ALDH3A2: variants seen among roughly 807,000 people sequenced by gnomAD.
ALDH3A2 encodes aldehyde dehydrogenase 3 family member A2.
A neutral mutation model predicts 51.3 loss-of-function variants in ALDH3A2; 36 were observed. The ratio of observed to expected loss-of-function variants is 0.70; its 90% CI spans 0.54 to 0.93. The LOEUF is 0.93. Ranked by LOEUF, ALDH3A2 falls within the 40% of genes least tolerant of loss-of-function variation. The probability of loss-of-function intolerance (pLI) is 0.00; values close to 1 mark genes in which losing one functional copy is unlikely to be tolerated. For synonymous variants in ALDH3A2, 199 were observed against 219.8 expected (o/e 0.91, Z 0.84); for missense variants, 552 against 603.1 (o/e 0.92, Z 0.89).
At position 19,651,563 on chromosome 17, in the gene ALDH3A2, A is replaced by G. The variant is rs774130470; in HGVS notation, c.170A>G (p.Tyr57Cys). 6.2e-7 allele frequency: 1 copy of G among 1,613,482 alleles called. No individual in the cohort carries two copies. The highest frequency in any genetic ancestry group is 8.5e-7 in the Non-Finnish European group (1 of 1,179,378). Residue 57 changes from tyrosine to cysteine, a missense_variant, in exon 2 of 10, where the codon TAC becomes TGC. Transcript: ENST00000176643. The part of the protein sequence containing the change: ...ADLCKSEFNV[Y>C]SQEVITVLGE... ...TTATAACAGAGTGAATTCAATGTGT[A>G]CAGTCAGGAAGTCATTACTGTCCTT...
chr17:19,649,314 A>G (rs2084782346), intron 1 of ALDH3A2, 190 bp downstream of exon 1: 3 of 679,012 alleles, frequency 4.4e-6, no homozygotes, highest in South Asian at 4.1e-5. Flanking sequence ...TCAGAAGGGC[A>G]TATGTTACCT....
rs528013375 is a variant in ALDH3A2, at chr17:19,651,360, T to TTAA, written c.154-187_154-186insTAA. Among the ~76,000 whole-genome samples the TTAA allele has an allele frequency of 9.8e-5, 15 of 152,286 alleles. No individual in the cohort carries two copies. In the East Asian group the frequency reaches 2.9e-3, roughly 29 times the overall value. ...TAATCTTTGATTTTTTTAAAAGAAATATATTAGAGAATTAGCAAGCCCTTA... is the reference window on the plus strand; with the variant it reads ...TAATCTTTGATTTTTTTAAAAGAAATTAAATATTAGAGAATTAGCAAGCCCTTA... On this transcript the variant is annotated intron_variant, in intron 1 of 9. Coordinates refer to ENST00000176643, the MANE Select transcript of ALDH3A2 (RefSeq NM_000382.3).
intron 6 of ALDH3A2, chr17:19,661,525 A>T: frequency 2.2e-6 from 1 of 450,092 alleles, no homozygotes; most frequent in Non-Finnish European, 4.0e-6. Context: ...CCTCCTAACA[A>T]TCCTGAGAAG....
Position 19,648,866 on chromosome 17 carries a change from C to A in ALDH3A2, c.-106C>A, listed in dbSNP as rs2084771929. ...GCTGTGGGTTGACGGTGGAGACACC[C>A]CCCGGAGGGAGGCGGAGGGAAGGGA... On this transcript the variant is annotated 5_prime_UTR_variant, in exon 1 of 10. Coordinates refer to ENST00000176643, the MANE Select transcript of ALDH3A2 (RefSeq NM_000382.3). 1.0e-5 allele frequency: 15 copies of A among 1,438,270 alleles called. No homozygotes were observed. Among genetic ancestry groups the A allele is most frequent in the Non-Finnish European group, 1.3e-5 (14 of 1,062,348 alleles). The allele number at this position is 1,438,270 out of a possible 1,614,324, so 89.1% of individuals were successfully genotyped here.
chr17:19,648,957 C>T lies in ALDH3A2; in HGVS notation c.-15C>T, dbSNP rs771908847. 1.2e-5 allele frequency: 19 copies of T among 1,578,428 alleles called. No homozygotes were observed. The highest frequency in any genetic ancestry group is 3.7e-5 in the Admixed American group (2 of 54,514). ...CAGCGCCCCCGGACCGTGCAGTTCTCTGCAGGACCAGGCCATGGAGCTCGA... is the reference window on the plus strand; with the variant it reads ...CAGCGCCCCCGGACCGTGCAGTTCTTTGCAGGACCAGGCCATGGAGCTCGA... On this transcript the variant is annotated 5_prime_UTR_variant, in exon 1 of 10. Transcript: ENST00000176643.
In ALDH3A2 at chr17:19,671,856, T is replaced by C; in HGVS notation, c.1343T>C (p.Val448Ala). The change falls in exon 9 of 10, where the codon GTG becomes GCG. Residue 448 changes from valine to alanine, a missense_variant. Val to Ala is a moderately conservative substitution (Grantham distance 64). Coordinates refer to ENST00000176643, the MANE Select transcript of ALDH3A2 (RefSeq NM_000382.3). ...TATCCTCCCAACAGCCAGTCAAAGGTGGATTGGGGAAAATTTTTTCTCTTG... is the reference window on the plus strand; with the variant it reads ...TATCCTCCCAACAGCCAGTCAAAGGCGGATTGGGGAAAATTTTTTCTCTTG... ...LRYPPNSQSKVDWGKFFLLKR... is the reference protein window; with the variant it reads ...LRYPPNSQSKADWGKFFLLKR... 6.2e-7 allele frequency: 1 copy of C among 1,613,944 alleles called. No individual in the cohort carries two copies. Among genetic ancestry groups the C allele is most frequent in the South Asian group, 1.1e-5 (1 of 91,060 alleles).
chr17:19,648,527 C>T (rs2084764915), upstream of ALDH3A2: 1 of 160,430 alleles, frequency 6.2e-6, no homozygotes, highest in Admixed American at 6.4e-5. Flanking sequence ...GGGGCCGCCC[C>T]GGGGCGCTCT....
At chr17:19,660,774 A>G (rs934612531) in intron 5 of ALDH3A2, among the ~76,000 whole-genome samples, 13 of 152,216 alleles carry the variant, frequency 8.5e-5, no homozygotes, top group African/African-American at 3.1e-4. Context: ...CCAATGTGCT[A>G]ACAAATAGGC....
chr17:19,668,746 G>A (rs142278193), intron 8 of ALDH3A2, among the ~76,000 whole-genome samples: 1,410 of 130,914 alleles, frequency 0.011, 308 homozygotes, highest in Admixed American at 0.02. Context: ...CAAAAAATTA[G>A]CTGGGTGTGG....
chr17:19,656,391 G>A lies in ALDH3A2; in HGVS notation c.497G>A (p.Gly166Asp). 1 of 1,614,122 alleles carries A rather than the reference G, an allele frequency of 6.2e-7. No homozygotes were observed. Among genetic ancestry groups the A allele is most frequent in the Non-Finnish European group, 8.5e-7 (1 of 1,180,002 alleles). The part of the protein sequence containing the change: ...DQDLYIVING[G>D]VEETTELLKQ... ...GATCTCTATATTGTTATTAATGGTG[G>A]TGTTGAGGAAACCACGGAGCTCCTG... Residue 166 changes from glycine (G) to aspartate (D), a missense_variant, in exon 4 of 10, where the codon GGT (glycine) becomes GAT (aspartate). Coordinates refer to ENST00000176643, the MANE Select transcript of ALDH3A2 (RefSeq NM_000382.3).
At chr17:19,661,454 G>A in intron 6 of ALDH3A2, 186 bp downstream of exon 6, 2 of 684,220 alleles carry the variant, frequency 2.9e-6, no homozygotes, top group South Asian at 2.0e-5. Flanking sequence ...GTGTTTCTGT[G>A]TATTGAATGA....
chr17:19,671,658 T>C (rs1254103503), intron 8 of ALDH3A2, 63 bp from the exon 9 acceptor site: 4 of 1,440,448 alleles, frequency 2.8e-6, no homozygotes, highest in Non-Finnish European at 2.9e-6. Flanking sequence ...CCGGTCGTTG[T>C]TAGACAGAAG....
rs986069390 is a variant in ALDH3A2 at position 19,677,578 on chromosome 17, A to G, written c.*2006A>G. ...CATAAATTCTCCCCAACTATAAATC[A>G]TTTTATGTCTTTATCATAGATGGTA... On this transcript the variant is annotated 3_prime_UTR_variant, in exon 10 of 10. Coordinates refer to ENST00000176643, the MANE Select transcript of ALDH3A2 (RefSeq NM_000382.3). 6.6e-6 allele frequency: 1 copy of G among 152,066 alleles called. No homozygotes were observed. Among genetic ancestry groups the G allele is most frequent in the Non-Finnish European group, 1.5e-5 (1 of 68,002 alleles). 9.4% of individuals were successfully genotyped at this position (152,066 alleles called of 1,614,324 possible). A position where few individuals can be genotyped will look rare whatever the true frequency, so the allele number is the denominator to read the frequency against.
At chr17:19,653,502 C>T (rs1297689217) in intron 3 of ALDH3A2, among the ~76,000 whole-genome samples, 1 of 152,206 alleles carries the variant, frequency 6.6e-6, no homozygotes, top group Admixed American at 6.5e-5. Flanking sequence ...GGTTCGTGGT[C>T]TTGCTGGCTT....
chr17:19,652,861 T>C (rs971932882), intron 3 of ALDH3A2, among the ~76,000 whole-genome samples: 6 of 75,488 alleles, frequency 7.9e-5, no homozygotes, highest in Admixed American at 3.6e-4. Context: ...CATGGCTTCA[T>C]GCCAAACAGA....
chr17:19,673,124 C>T (rs1318499601), intron 9 of ALDH3A2: 1 of 1,614,044 alleles, frequency 6.2e-7, no homozygotes, highest in Admixed American at 1.7e-5. Flanking sequence ...ATACCAGTTG[C>T]ATTTGAAATC....
chr17:19,673,691 C>T (rs1217018913), intron 9 of ALDH3A2, among the ~76,000 whole-genome samples: 2 of 152,004 alleles, frequency 1.3e-5, no homozygotes, highest in Admixed American at 6.6e-5. Context: ...GCACTCCACC[C>T]TGGGTGACAG....
Position 19,654,116 on chromosome 17 carries a change from G to C in ALDH3A2, c.471+1484G>C, listed in dbSNP as rs1354619761. ...CTCCAAATCCCCACCAGATTAGCTA[G>C]ATACAGAGTGCTGATTGGTGCATCC... On this transcript the variant is annotated intron_variant, in intron 3 of 9. Transcript: ENST00000176643. The surrounding 1 kb of genome is among the most constrained non-coding windows in gnomAD (Gnocchi z 4.5). Among the ~76,000 whole-genome samples the C allele has an allele frequency of 6.6e-6, 1 of 152,228 alleles. No homozygotes were observed. The highest frequency in any genetic ancestry group is 1.5e-5 in the Non-Finnish European group (1 of 68,042).
chr17:19,653,199 C>T (rs1433761635), intron 3 of ALDH3A2, among the ~76,000 whole-genome samples: 1 of 152,010 alleles, frequency 6.6e-6, no homozygotes, highest in African/African-American at 2.4e-5. Context: ...CGTGTGCCAC[C>T]ATGCCCAGCT....
Sources: allele counts gnomAD v4.1 joint callset (sites outside exome capture counted in the v4.1 genomes callset), GRCh38; gene constraint gnomAD v4.1.1; non-coding constraint Gnocchi (gnomAD v3.1); transcripts MANE v1.5; gene names NCBI Gene and HGNC (gene_info 2026-07-23, HGNC 2026-07-21).